Variants in SLCO1C1 observed in about 807,000 individuals in gnomAD.
SLCO1C1 encodes the protein OAT-RP-5.
SLCO1C1 carries 70 observed loss-of-function variants against 76.4 expected under a neutral mutation model. The ratio of observed to expected loss-of-function variants is 0.92; its 90% CI spans 0.76 to 1.12. The LOEUF (loss-of-function observed/expected upper bound fraction) is 1.12, where lower values mean the gene tolerates loss of function less well. SLCO1C1 is among the 50% of genes most tolerant of loss of function. SLCO1C1 has a pLI of 0.00. For missense variants in SLCO1C1, 912 were observed against 823.8 expected (o/e 1.11, Z -1.31); for synonymous variants, 306 against 286.1 (o/e 1.07, Z -0.70).
Position 20,743,551 on chromosome 12 carries a change from G to A in SLCO1C1, c.1798+182G>A, listed in dbSNP as rs372055175. On this transcript the variant is annotated intron_variant, in intron 13 of 14. Coordinates refer to ENST00000266509, the MANE Select transcript of SLCO1C1 (RefSeq NM_017435.5). Reference sequence around the variant, plus strand: ...CCTCCTTTTCTTGACTCCTTTCTTCGTTACAGAAATATATTGCCTCTTTTG... The same window carrying A: ...CCTCCTTTTCTTGACTCCTTTCTTCATTACAGAAATATATTGCCTCTTTTG... Among the ~76,000 whole-genome samples, 73 of 151,374 alleles carry A rather than the reference G, an allele frequency of 4.8e-4. No individual in the cohort carries two copies. The East Asian group carries it at 6.8e-3, about 14-fold the overall frequency.
chr12:20,716,169 G>T (rs1433010849), intron 6 of SLCO1C1, among the ~76,000 whole-genome samples: 1 of 152,168 alleles, frequency 6.6e-6, no homozygotes. Context: ...ACTCCAGGGG[G>T]TGCTGGTTAC....
Position 20,721,967 on chromosome 12 carries a change from GA to G in SLCO1C1, c.942del (p.Lys314AsnfsTer6). 6.2e-7 allele frequency: 1 copy of G among 1,614,078 alleles called. No individual in the cohort carries two copies. The highest frequency in any genetic ancestry group is 1.7e-4 in the Middle Eastern group (1 of 6,060). On this transcript the variant is annotated frameshift_variant, in exon 8 of 15. Transcript: ENST00000266509. LOFTEE classifies it high-confidence loss of function. Reference protein sequence around the residue: ...SREDSNSSSEKSKFIIDDHTD... With the variant: ...SREDSNSSSEXSKFIIDDHTD... ...GAGAGGATTCTAATTCTTCCTCTGA[GA>G]AATCCAAGTTTATTATAGATGATCA...
chr12:20,721,775 A>G (rs1592269340), intron 7 of SLCO1C1, 29 bp from the exon 8 acceptor site: 2 of 1,607,182 alleles, frequency 1.2e-6, no homozygotes, highest in Non-Finnish European at 1.7e-6. Context: ...TGCTGTTTGT[A>G]TTACTTAGCC....
At chr12:20,708,428 T>C (rs1027670624) in intron 4 of SLCO1C1, among the ~76,000 whole-genome samples, 1 of 152,126 alleles carries the variant, frequency 6.6e-6, no homozygotes, top group African/African-American at 2.4e-5. Flanking sequence ...ATAAATACAG[T>C]ATGTCAGAGA....
intron 1 of SLCO1C1, among the ~76,000 whole-genome samples, chr12:20,698,130 G>A (rs999268962): frequency 6.6e-6 from 1 of 151,860 alleles, no homozygotes; most frequent in Admixed American, 6.6e-5. Flanking sequence ...AACATTCGAT[G>A]CATCTTTTTA....
Position 20,743,311 on chromosome 12 carries a change from T to G in SLCO1C1, c.1740T>G (p.Ile580Met), listed in dbSNP as rs767229391. The G allele has an allele frequency of 6.2e-6, 10 of 1,612,666 alleles. No individual in the cohort carries two copies. Among genetic ancestry groups the G allele is most frequent in the African/African-American group, 4.0e-5 (3 of 74,908 alleles). ...IPGYILLLRC[I>M]KPQLKSFALG... is the part of the protein sequence containing the mutation. ...GTGCTTTTGTTGATTTTAGGTGCAT[T>G]AAGCCACAGCTTAAGTCTTTTGCCT... Residue 580 changes from isoleucine to methionine, a missense_variant, in exon 13 of 15, where the codon ATT becomes ATG. Ile to Met is a conservative substitution (Grantham distance 10). Coordinates refer to ENST00000266509, the MANE Select transcript of SLCO1C1 (RefSeq NM_017435.5).
intron 4 of SLCO1C1, 127 bp downstream of exon 4, chr12:20,706,208 C>A (rs1946768630): frequency 2.5e-6 from 3 of 1,184,902 alleles, no homozygotes; most frequent in East Asian, 2.6e-5. Context: ...TTATTACATT[C>A]TCTTTGGATA....
intron 10 of SLCO1C1, among the ~76,000 whole-genome samples, chr12:20,733,431 G>A (rs1056517717): frequency 7.9e-5 from 12 of 152,164 alleles, no homozygotes; most frequent in Non-Finnish European, 1.3e-4. Flanking sequence ...TGATGTACAT[G>A]TGGTTTAAAC....
At chr12:20,750,354 A>G (rs1949239515) in intron 13 of SLCO1C1, among the ~76,000 whole-genome samples, 2 of 152,212 alleles carry the variant, frequency 1.3e-5, no homozygotes, top group Admixed American at 1.3e-4. Flanking sequence ...AGGATCAATG[A>G]TAACTCACAA....
rs1390651631 is a variant in SLCO1C1 at position 20,733,064 on chromosome 12, GA to G, written c.1346del (p.Asn449IlefsTer7). ...LFLSLFALGC[E>X]NSDVAGLTVS... ...TCTTTCCCTGTTTGCACTGGGCTGT[GA>G]AAATTCTGATGTGGCAGGACTAACT... On this transcript the variant is annotated frameshift_variant, in exon 10 of 15. Transcript: ENST00000266509. LOFTEE classifies it high-confidence loss of function. 6.2e-7 allele frequency: 1 copy of G among 1,606,780 alleles called. No homozygotes were observed. Among genetic ancestry groups the G allele is most frequent in the Admixed American group, 1.7e-5 (1 of 58,896 alleles).
chr12:20,746,392 T>G (rs1256885371), intron 13 of SLCO1C1, among the ~76,000 whole-genome samples: 2 of 152,114 alleles, frequency 1.3e-5, no homozygotes, highest in East Asian at 3.9e-4. Context: ...TTCTATTAAC[T>G]GTATGTCAAA....
chr12:20,722,744 C>T (rs984323037), intron 8 of SLCO1C1, among the ~76,000 whole-genome samples: 1 of 152,192 alleles, frequency 6.6e-6, no homozygotes, highest in South Asian at 2.1e-4. Flanking sequence ...TCTTTATGTC[C>T]TGCCTGTGGC....
intron 13 of SLCO1C1, among the ~76,000 whole-genome samples, chr12:20,745,313 T>A (rs1271374580): frequency 2.0e-5 from 3 of 152,140 alleles, no homozygotes. Context: ...AAGCATACAT[T>A]GGTTAAATAA....
At chr12:20,736,336 T>TGGGG (rs34046081) in intron 10 of SLCO1C1, among the ~76,000 whole-genome samples, 1 of 144,738 alleles carries the variant, frequency 6.9e-6, no homozygotes, top group Non-Finnish European at 1.5e-5. Flanking sequence ...AAACCAATTT[T>TGGGG]GGGGGGGGGT....
intron 11 of SLCO1C1, among the ~76,000 whole-genome samples, chr12:20,737,690 ATTC>A (rs1474559651): frequency 6.6e-6 from 1 of 152,098 alleles, no homozygotes; most frequent in African/African-American, 2.4e-5. Flanking sequence ...AGCTCCAGAG[ATTC>A]TAGACCTTGG....
chr12:20,732,707 T>C (rs1913823), intron 9 of SLCO1C1, among the ~76,000 whole-genome samples: 64,846 of 152,046 alleles, frequency 0.43, 17,157 homozygotes, highest in East Asian at 0.68. Flanking sequence ...TACTCTCTGC[T>C]AGACAGAACC....
chr12:20,732,923 C>T lies in SLCO1C1; in HGVS notation c.1201C>T (p.Pro401Ser). The stretch of plus-strand genomic sequence containing the variant: ...TTGTTTCTCAGGGCTCATCAACATT[C>T]CAGCAGTGGCCCTTGGAATATTCTC... The part of the protein sequence containing the change: ...ANFVIGLINI[P>S]AVALGIFSGG... Residue 401 changes from proline to serine, a missense_variant, in exon 10 of 15, where the codon CCA (proline) becomes TCA (serine). Transcript: ENST00000266509. The T allele has an allele frequency of 1.2e-6, 2 of 1,613,918 alleles. No homozygotes were observed. Among genetic ancestry groups the T allele is most frequent in the Non-Finnish European group, 8.5e-7 (1 of 1,179,906 alleles).
In SLCO1C1 at chr12:20,699,585, T is replaced by C. The variant is rs756045394; in HGVS notation, c.9T>C (p.Thr3=). 4 of 1,610,934 alleles carry C rather than the reference T, an allele frequency of 2.5e-6. No individual in the cohort carries two copies. In the East Asian group the frequency reaches 8.9e-5, roughly 36 times the overall value. The change falls in exon 2 of 15, where the codon ACT becomes ACC. Residue 3 remains threonine (T), a synonymous_variant. Coordinates refer to ENST00000266509, the MANE Select transcript of SLCO1C1 (RefSeq NM_017435.5). The part of the protein sequence containing the change: MD[T]SSKENIQLFC... ...CAAGGAATGTGTTTATAATGGACAC[T>C]TCATCCAAAGAAAATATCCAGTTGT...
chr12:20,723,305 C>A, intron 9 of SLCO1C1, 51 bp downstream of exon 9: 1 of 1,562,652 alleles, frequency 6.4e-7, no homozygotes, highest in Non-Finnish European at 8.6e-7. Context: ...CTTAGAGGTA[C>A]CTGATTAACT....
Sources: gnomAD v4.1 joint callset for allele counts (sites outside exome capture counted in the v4.1 genomes callset) on GRCh38, gnomAD v4.1.1 for gene constraint, MANE v1.5 for transcripts, NCBI Gene and HGNC (gene_info 2026-07-23, HGNC 2026-07-21) for gene names.